The following TBC1D10C variants were observed in gnomAD, a reference collection of about 807,000 sequenced individuals.
The protein encoded by TBC1D10C is TBC1 domain family member 10C, also known as carabin.
A neutral mutation model predicts 51.0 loss-of-function variants in TBC1D10C; 49 were observed. That is an observed-to-expected ratio of 0.96 (90% CI 0.76 to 1.22). The LOEUF (loss-of-function observed/expected upper bound fraction) is 1.22, where lower values mean the gene tolerates loss of function less well. Ranked by LOEUF, TBC1D10C falls within the 50% of genes most tolerant of loss-of-function variation. The pLI is 0.00. For missense variants in TBC1D10C, 541 were observed against 617.5 expected (o/e 0.88, Z 1.31); for synonymous variants, 281 against 266.7 (o/e 1.05, Z -0.52).
chr11:67,406,266 C>G (rs978822171), intron 5 of TBC1D10C: 2 of 515,068 alleles, frequency 3.9e-6, no homozygotes, highest in African/African-American at 3.9e-5. Flanking sequence ...CTTGACCCCA[C>G]GACTCCTGAT....
intron 1 of TBC1D10C, 48 bp downstream of exon 1, chr11:67,404,402 G>A (rs746558189): frequency 8.7e-6 from 13 of 1,502,410 alleles, no homozygotes; most frequent in Non-Finnish European, 1.2e-5. Context: ...CAGAGGACAG[G>A]GGGCTGAGGG....
chr11:67,409,966 C>T lies in TBC1D10C; in HGVS notation c.*212C>T. The T allele has an allele frequency of 1.8e-6, 1 of 552,230 alleles. No homozygotes were observed. Among genetic ancestry groups the T allele is most frequent in the East Asian group, 3.2e-5 (1 of 31,050 alleles). 34.2% of individuals were successfully genotyped at this position (552,230 alleles called of 1,614,324 possible). Reference sequence around the variant, plus strand: ...TCACAGAGTGGGGCACGTGAGGACCCATGGAACCGTCCTGGTGCCCAGGCC... The same window carrying T: ...TCACAGAGTGGGGCACGTGAGGACCTATGGAACCGTCCTGGTGCCCAGGCC... On this transcript the variant is annotated 3_prime_UTR_variant, in exon 9 of 9. Transcript: ENST00000542590.
intron 5 of TBC1D10C, 46 bp downstream of exon 5, chr11:67,406,063 C>T (rs1304216089): frequency 6.9e-7 from 1 of 1,445,512 alleles, no homozygotes; most frequent in African/African-American, 1.4e-5. Flanking sequence ...GACCTAGGCC[C>T]AGGGAACCCC....
chr11:67,410,048 G>T lies in TBC1D10C; in HGVS notation c.*294G>T. On this transcript the variant is annotated 3_prime_UTR_variant, in exon 9 of 9. Coordinates refer to ENST00000542590, the MANE Select transcript of TBC1D10C (RefSeq NM_001369496.1). ...TCAGGGAAGGGGTTGGCTGAGTCAAGGGACCCCAGAGGGCACCAGGAATAA... is the reference window on the plus strand; with the variant it reads ...TCAGGGAAGGGGTTGGCTGAGTCAATGGACCCCAGAGGGCACCAGGAATAA... 2.6e-6 allele frequency: 1 copy of T among 377,436 alleles called. No individual in the cohort carries two copies. The highest frequency in any genetic ancestry group is 4.8e-6 in the Non-Finnish European group (1 of 209,042). 23.4% of individuals were successfully genotyped at this position (377,436 alleles called of 1,614,324 possible). A position where few individuals can be genotyped will look rare whatever the true frequency, so the allele number is the denominator to read the frequency against.
rs566053359 is a variant in TBC1D10C, at chr11:67,408,655, G to T, written c.839-324G>T. On this transcript the variant is annotated intron_variant, in intron 7 of 8. Coordinates refer to ENST00000542590, the MANE Select transcript of TBC1D10C (RefSeq NM_001369496.1). ...CCCGGAGCCCACAGGCACCTGCTGGGTGCTTGCTGGCTCCAGATATGGATG... is the reference window on the plus strand; with the variant it reads ...CCCGGAGCCCACAGGCACCTGCTGGTTGCTTGCTGGCTCCAGATATGGATG... 4.2e-5 allele frequency: 11 copies of T among 264,654 alleles called. No individual in the cohort carries two copies. In the South Asian group the frequency reaches 6.1e-4, roughly 15 times the overall value. The allele number at this position is 264,654 out of a possible 1,614,324, so 16.4% of individuals were successfully genotyped here. A position where few individuals can be genotyped will look rare whatever the true frequency, so the allele number is the denominator to read the frequency against.
Position 67,404,242 on chromosome 11 carries a change from G to C in TBC1D10C, c.40G>C (p.Glu14Gln). The C allele has an allele frequency of 6.3e-7, 1 of 1,587,268 alleles. No homozygotes were observed. The highest frequency in any genetic ancestry group is 8.6e-7 in the Non-Finnish European group (1 of 1,162,762). Residue 14 changes from glutamate to glutamine, a missense_variant, in exon 1 of 9, where the codon GAG becomes CAG. Glu to Gln is a conservative substitution (Grantham distance 29). Transcript: ENST00000542590. ...GGGGGAGGACCTGGTGCAGCCTCCCGAGCTGCAGGATGACTCCAGCTCCTT... is the reference window on the plus strand; with the variant it reads ...GGGGGAGGACCTGGTGCAGCCTCCCCAGCTGCAGGATGACTCCAGCTCCTT... ...ALGEDLVQPP[E>Q]LQDDSSSLGS...
Position 67,405,653 on chromosome 11 carries a change from A to C in TBC1D10C, c.419A>C (p.His140Pro), listed in dbSNP as rs1185978807. The change falls in exon 4 of 9, where the codon CAC becomes CCC. Residue 140 changes from histidine (H) to proline (P), a missense_variant. Physicochemically the swap from His to Pro is moderately conservative, Grantham distance 77. Coordinates refer to ENST00000542590, the MANE Select transcript of TBC1D10C (RefSeq NM_001369496.1). The part of the protein sequence containing the change: ...QWMETIGRDL[H>P]RQFPLHEMFV... The stretch of plus-strand genomic sequence containing the variant: ...ATGGAGACCATTGGCAGGGACCTGC[A>C]CCGTCAATTCCCTCTGCACGAGATG... 1.9e-6 allele frequency: 3 copies of C among 1,613,808 alleles called. No individual in the cohort carries two copies. Among genetic ancestry groups the C allele is most frequent in the Non-Finnish European group, 2.5e-6 (3 of 1,180,004 alleles).
At chr11:67,406,555 C>A (rs1489550026) in intron 5 of TBC1D10C, 72 bp from the exon 6 acceptor site, 53 of 1,381,160 alleles carry the variant, frequency 3.8e-5, no homozygotes, top group Non-Finnish European at 5.2e-5. Flanking sequence ...CTCCTTTCCC[C>A]TGTCCTGCCT....
intron 1 of TBC1D10C, 162 bp from the exon 2 acceptor site, chr11:67,404,923 C>T (rs548213102): frequency 6.2e-4 from 387 of 622,264 alleles, no homozygotes; most frequent in Non-Finnish European, 8.1e-4. Flanking sequence ...TTCCTGTCCC[C>T]GTGACAAGCA....
chr11:67,409,219 ATGGGGACTTAGTTCC>A, intron 8 of TBC1D10C, 86 bp downstream of exon 8: 1 of 1,458,958 alleles, frequency 6.9e-7, no homozygotes, highest in Admixed American at 2.6e-5. Context: ...CAAAGCGAGA[ATGGGGACTTAGTTCC>A]TGTCCCCTGA....
intron 7 of TBC1D10C, chr11:67,407,403 G>A (rs1355881978): frequency 4.4e-6 from 1 of 227,176 alleles, no homozygotes; most frequent in Non-Finnish European, 8.6e-6. Flanking sequence ...GGGTGGGGAT[G>A]GGTGGCGACA....
In TBC1D10C at chr11:67,404,136, C is replaced by G; in HGVS notation, c.-67C>G. On this transcript the variant is annotated 5_prime_UTR_variant, in exon 1 of 9. Transcript: ENST00000542590. ...CCCCGCAGCCAGGCCCCAGGCTGGCCGGGAGTGGCCCCTCACACTGGTTCT... is the reference window on the plus strand; with the variant it reads ...CCCCGCAGCCAGGCCCCAGGCTGGCGGGGAGTGGCCCCTCACACTGGTTCT... The G allele has an allele frequency of 7.1e-7, 1 of 1,399,822 alleles. No individual in the cohort carries two copies. The highest frequency in any genetic ancestry group is 1.5e-5 in the South Asian group (1 of 65,780). 86.7% of individuals were successfully genotyped at this position (1,399,822 alleles called of 1,614,324 possible). A position where few individuals can be genotyped will look rare whatever the true frequency, so the allele number is the denominator to read the frequency against.
chr11:67,404,144 G>GC lies in TBC1D10C; in HGVS notation c.-55dup, dbSNP rs1430897014. The GC allele has an allele frequency of 7.1e-7, 1 of 1,408,458 alleles. No homozygotes were observed. Among genetic ancestry groups the GC allele is most frequent in the Non-Finnish European group, 9.3e-7 (1 of 1,079,226 alleles). The allele number at this position is 1,408,458 out of a possible 1,614,324, so 87.2% of individuals were successfully genotyped here. A position where few individuals can be genotyped will look rare whatever the true frequency, so the allele number is the denominator to read the frequency against. On this transcript the variant is annotated 5_prime_UTR_variant, in exon 1 of 9. Coordinates refer to ENST00000542590, the MANE Select transcript of TBC1D10C (RefSeq NM_001369496.1). ...CCAGGCCCCAGGCTGGCCGGGAGTGGCCCCTCACACTGGTTCTCCCCACTT... is the reference window on the plus strand; with the variant it reads ...CCAGGCCCCAGGCTGGCCGGGAGTGGCCCCCTCACACTGGTTCTCCCCACTT...
At chr11:67,406,416 C>A in intron 5 of TBC1D10C, 3 of 578,578 alleles carry the variant, frequency 5.2e-6, no homozygotes, top group South Asian at 2.2e-5. Context: ...TGATTTCCAA[C>A]ACCCTAAACC....
Position 67,409,564 on chromosome 11 carries a change from G to A in TBC1D10C, c.1151G>A (p.Arg384Gln), listed in dbSNP as rs764659138. ...IFEAQQLAGV[R>Q]RGAKPEVPRI... Reference sequence around the variant, plus strand: ...GAGGCCCAGCAGCTGGCAGGAGTGCGACGAGGCGCCAAGCCTGAGGTGCCT... The same window carrying A: ...GAGGCCCAGCAGCTGGCAGGAGTGCAACGAGGCGCCAAGCCTGAGGTGCCT... The change falls in exon 9 of 9, where the codon CGA (arginine) becomes CAA (glutamine). Residue 384 changes from arginine (R) to glutamine (Q), a missense_variant. Transcript: ENST00000542590. 137 of 1,548,806 alleles carry A rather than the reference G, an allele frequency of 8.8e-5. No homozygotes were observed. The highest frequency in any genetic ancestry group is 1.1e-4 in the Non-Finnish European group (123 of 1,146,704).
In TBC1D10C at chr11:67,409,407, G is replaced by A; in HGVS notation, c.994G>A (p.Val332Met). The A allele has an allele frequency of 6.5e-7, 1 of 1,548,210 alleles. No individual in the cohort carries two copies. Among genetic ancestry groups the A allele is most frequent in the Non-Finnish European group, 8.7e-7 (1 of 1,146,254 alleles). ...ACGCAGCACCAACTGCTCCCCACAG[G>A]TGCACAGCGTGGTGCTGTCAGAGCG... Reference protein sequence around the residue: ...QLQEEAFMSQVHSVVLSERDL... With the variant: ...QLQEEAFMSQMHSVVLSERDL... The change falls in exon 9 of 9, where the codon GTG becomes ATG. Residue 332 changes from valine to methionine, a missense_variant and splice_region_variant. Coordinates refer to ENST00000542590, the MANE Select transcript of TBC1D10C (RefSeq NM_001369496.1).
rs939544832 is a variant in TBC1D10C at position 67,409,526 on chromosome 11, C to G, written c.1113C>G (p.Ala371=). 4.5e-6 allele frequency: 7 copies of G among 1,548,712 alleles called. No individual in the cohort carries two copies. The Admixed American group carries it at 1.4e-4, about 30-fold the overall frequency. The change falls in exon 9 of 9, where the codon GCC becomes GCG. Residue 371 remains alanine, a synonymous_variant. Transcript: ENST00000542590. ...GGCCACAGGTCCGCCTCGCCGGGGC[C>G]CAAGCCATCTTTGAGGCCCAGCAGC... ...PPRPQVRLAG[A]QAIFEAQQLA...
intron 7 of TBC1D10C, chr11:67,408,338 G>A (rs1313375985): frequency 6.6e-6 from 1 of 152,354 alleles, no homozygotes; most frequent in Non-Finnish European, 1.5e-5. Flanking sequence ...ATGGAGATGA[G>A]CAAGCTGAGG....
Position 67,409,705 on chromosome 11 carries a change from C to T in TBC1D10C, c.1292C>T (p.Pro431Leu), listed in dbSNP as rs1055338188. 6.3e-7 allele frequency: 1 copy of T among 1,590,096 alleles called. No individual in the cohort carries two copies. The highest frequency in any genetic ancestry group is 2.2e-5 in the East Asian group (1 of 44,830). ...GCCCGGGGCCCCCCCATCGAGGGGC[C>T]CCCCAGGCCCCAACGAGGCTCCACC... ...TRARGPPIEG[P>L]PRPQRGSTSF... Residue 431 changes from proline (P) to leucine (L), a missense_variant, in exon 9 of 9, where the codon CCC (proline) becomes CTC (leucine). Coordinates refer to ENST00000542590, the MANE Select transcript of TBC1D10C (RefSeq NM_001369496.1).
Sources: gnomAD v4.1 joint callset for allele counts on GRCh38, gnomAD v4.1.1 for gene constraint, MANE v1.5 for transcripts, NCBI Gene and HGNC (gene_info 2026-07-23, HGNC 2026-07-21) for gene names.